ZBTB44: variants seen among roughly 807,000 people sequenced by gnomAD.
The protein encoded by ZBTB44 is zinc finger and BTB domain-containing protein 44.
A neutral mutation model predicts 54.0 loss-of-function variants in ZBTB44; 15 were observed. The observed-to-expected ratio is 0.28, with a 90% CI of 0.19 to 0.43. The LOEUF (loss-of-function observed/expected upper bound fraction) is 0.43, where lower values mean the gene tolerates loss of function less well. Among genes scored for constraint, ZBTB44 ranks in the 20% least tolerant of loss-of-function variants. The pLI, the probability that ZBTB44 is intolerant of heterozygous loss-of-function variation, is 1.00. For synonymous variants in ZBTB44, 230 were observed against 250.1 expected, an observed-to-expected ratio of 0.92 and a Z score of 0.76; for missense variants, 487 against 707.1, an observed-to-expected ratio of 0.69 and a Z score of 3.53.
At chr11:130,297,966 G>A (rs1941752478) in intron 1 of ZBTB44, among the ~76,000 whole-genome samples, 1 of 152,146 alleles carries the variant, frequency 6.6e-6, no homozygotes, top group Non-Finnish European at 1.5e-5. Flanking sequence ...AGATATGGAA[G>A]AACATATATC....
chr11:130,268,518 G>C (rs1038901630), intron 1 of ZBTB44, among the ~76,000 whole-genome samples: 2 of 152,174 alleles, frequency 1.3e-5, no homozygotes, highest in African/African-American at 2.4e-5. Context: ...TACTCAGGAA[G>C]TTAAGGTGGG....
intron 1 of ZBTB44, among the ~76,000 whole-genome samples, chr11:130,283,998 A>AAAAAAG (rs1940741894): frequency 7.8e-6 from 1 of 128,388 alleles, no homozygotes; most frequent in Non-Finnish European, 1.7e-5. Flanking sequence ...AAAAAAAAAA[A>AAAAAAG]GGCAAGCAGC....
chr11:130,280,077 A>G (rs1940395993), intron 1 of ZBTB44, among the ~76,000 whole-genome samples: 1 of 152,198 alleles, frequency 6.6e-6, no homozygotes, highest in Admixed American at 6.5e-5. Context: ...AAGCCAGCGC[A>G]ACGGCAATTT....
intron 2 of ZBTB44, among the ~76,000 whole-genome samples, chr11:130,254,788 T>C (rs1330836426): frequency 1.3e-5 from 2 of 152,120 alleles, no homozygotes; most frequent in African/African-American, 4.8e-5. Context: ...ATGTTTATTG[T>C]GGCACTATTC....
intron 1 of ZBTB44, among the ~76,000 whole-genome samples, chr11:130,280,453 G>T (rs1476072834): frequency 6.6e-6 from 1 of 152,000 alleles, no homozygotes; most frequent in Non-Finnish European, 1.5e-5. Flanking sequence ...AATACATGAA[G>T]TAAAAACGAC....
chr11:130,239,934 G>A (rs371513335), intron 2 of ZBTB44, 38 bp from the exon 3 acceptor site: 12 of 1,483,346 alleles, frequency 8.1e-6, no homozygotes, highest in Admixed American at 1.8e-5. Flanking sequence ...TAATCCTTTG[G>A]TGTGAATAAG....
chr11:130,309,895 CA>C (rs58743892), intron 1 of ZBTB44, among the ~76,000 whole-genome samples: 4,958 of 71,474 alleles, frequency 0.069, 135 homozygotes, highest in African/African-American at 0.15. Flanking sequence ...GACTGCATCT[CA>C]AAAAAAAAAA....
rs982315801 is a variant in ZBTB44 at position 130,257,256 on chromosome 11, A to G, written c.1018+3600T>C. Among the ~76,000 whole-genome samples the G allele has an allele frequency of 7.2e-5, 11 of 151,814 alleles. No homozygotes were observed. In the Middle Eastern group the frequency reaches 0.01, roughly 142 times the overall value. On this transcript the variant is annotated intron_variant, in intron 2 of 7. Coordinates refer to ENST00000357899, the MANE Select transcript of ZBTB44 (RefSeq NM_001301098.2). Reference sequence around the variant, plus strand: ...CAGATCTTAAAAAAAAAAAAAAAAAAAAAGAAAAAGTACATCTTAATCCTT... The same window carrying G: ...CAGATCTTAAAAAAAAAAAAAAAAAGAAAGAAAAAGTACATCTTAATCCTT...
intron 1 of ZBTB44, among the ~76,000 whole-genome samples, chr11:130,267,923 A>G (rs1939376190): frequency 6.6e-6 from 1 of 151,964 alleles, no homozygotes. Flanking sequence ...AATACAAAAA[A>G]TTAGCCGGGT....
At chr11:130,296,320 G>GA in intron 1 of ZBTB44, 1 of 1,519,730 alleles carries the variant, frequency 6.6e-7, no homozygotes, top group South Asian at 1.2e-5. Context: ...AAGAAGAACC[G>GA]AAAGAAGCTC....
Position 130,230,662 on chromosome 11 carries a change from C to A in ZBTB44, c.*1102G>T, listed in dbSNP as rs771869849. The A allele has an allele frequency of 4.0e-5, 6 of 150,942 alleles. No individual in the cohort carries two copies. The highest frequency in any genetic ancestry group is 7.4e-5 in the Non-Finnish European group (5 of 67,710). 9.4% of individuals were successfully genotyped at this position (150,942 alleles called of 1,614,324 possible). On this transcript the variant is annotated 3_prime_UTR_variant, in exon 8 of 8. Coordinates refer to ENST00000357899, the MANE Select transcript of ZBTB44 (RefSeq NM_001301098.2). Reference sequence around the variant, plus strand: ...CTTGAAATTCAAATTAAGAAAAATCCATTTAAATATATTTGTGGGTGATAA... The same window carrying A: ...CTTGAAATTCAAATTAAGAAAAATCAATTTAAATATATTTGTGGGTGATAA...
chr11:130,244,675 AAAAAAAAAAAAG>A (rs1954562263), intron 2 of ZBTB44, among the ~76,000 whole-genome samples: 1 of 140,016 alleles, frequency 7.1e-6, no homozygotes, highest in Non-Finnish European at 1.6e-5. Flanking sequence ...TGGAAAAAAA[AAAAAAAAAAAAG>A]AAAGAAAATG....
chr11:130,288,896 TA>T (rs560248125), intron 1 of ZBTB44, among the ~76,000 whole-genome samples: 502 of 131,640 alleles, frequency 3.8e-3, no homozygotes, highest in Middle Eastern at 8.1e-3. Context: ...GACTCCGTCT[TA>T]AAAAAAAAAA....
chr11:130,281,516 A>AAATAAATAAATAAAT (rs1940503081), intron 1 of ZBTB44, among the ~76,000 whole-genome samples: 1 of 138,802 alleles, frequency 7.2e-6, no homozygotes, highest in African/African-American at 2.9e-5. Context: ...ACCCTGTCTC[A>AAATAAATAAATAAAT]AAATAAATAA....
intron 1 of ZBTB44, among the ~76,000 whole-genome samples, chr11:130,266,185 G>C (rs1939236903): frequency 6.6e-6 from 1 of 152,162 alleles, no homozygotes; most frequent in South Asian, 2.1e-4. Context: ...TTAACGATTA[G>C]GCTCAATCTA....
chr11:130,255,691 C>A (rs1257085173), intron 2 of ZBTB44, among the ~76,000 whole-genome samples: 1 of 151,842 alleles, frequency 6.6e-6, no homozygotes, highest in East Asian at 1.9e-4. Flanking sequence ...ATCAAATAGA[C>A]ACAATAAAAA....
intron 2 of ZBTB44, among the ~76,000 whole-genome samples, chr11:130,244,911 C>G (rs945101476): frequency 6.6e-6 from 1 of 152,126 alleles, no homozygotes; most frequent in Non-Finnish European, 1.5e-5. Context: ...AATTTTAAGG[C>G]ATCCAAACTT....
chr11:130,304,370 A>G (rs1421579727), intron 1 of ZBTB44, among the ~76,000 whole-genome samples: 1 of 152,216 alleles, frequency 6.6e-6, no homozygotes, highest in Non-Finnish European at 1.5e-5. Context: ...AATTTGATAT[A>G]TGAAATATTT....
intron 7 of ZBTB44, chr11:130,232,197 T>A (rs1256597228): frequency 6.6e-6 from 1 of 152,210 alleles, no homozygotes; most frequent in Non-Finnish European, 1.5e-5. Context: ...CAAATCACTA[T>A]AATTAAAAAT....
Sources: gnomAD v4.1 joint callset for allele counts (sites outside exome capture counted in the v4.1 genomes callset) on GRCh38, gnomAD v4.1.1 for gene constraint, MANE v1.5 for transcripts, NCBI Gene and HGNC (gene_info 2026-07-23, HGNC 2026-07-21) for gene names.